The following EFCAB6 variants were observed in gnomAD, a reference collection of about 807,000 sequenced individuals.
EFCAB6 encodes EF-hand calcium binding domain 6, also known as EF-hand calcium-binding domain-containing protein 6.
In EFCAB6, 156 loss-of-function variants were observed where a neutral mutation model predicts 169.8. That is an observed-to-expected ratio of 0.92 (90% confidence interval 0.81 to 1.05). The LOEUF (loss-of-function observed/expected upper bound fraction) is 1.05, where lower values mean the gene tolerates loss of function less well. Among genes scored for constraint, EFCAB6 ranks in the 50% least tolerant of loss-of-function variants. The probability of loss-of-function intolerance (pLI) is 0.00; values close to 1 mark genes in which losing one functional copy is unlikely to be tolerated. For missense variants in EFCAB6, 1,800 were observed against 1,829.1 expected (o/e 0.98, Z 0.29); for synonymous variants, 698 against 676.4 (o/e 1.03, Z -0.50).
intron 10 of EFCAB6, among the ~76,000 whole-genome samples, chr22:43,702,491 C>T (rs917271308): frequency 3.3e-5 from 5 of 152,270 alleles, no homozygotes; most frequent in Admixed American, 2.6e-4. Context: ...TCCCCTAAGT[C>T]GATAAAGTAC....
chr22:43,705,686 TAAGAC>T (rs901402365), intron 10 of EFCAB6, among the ~76,000 whole-genome samples: 2 of 152,038 alleles, frequency 1.3e-5, no homozygotes, highest in Admixed American at 1.3e-4. Context: ...TAAAATATCT[TAAGAC>T]AAACGAAAGT....
At chr22:43,700,621 T>TG (rs1251496695) in intron 10 of EFCAB6, among the ~76,000 whole-genome samples, 43 of 152,182 alleles carry the variant, frequency 2.8e-4, no homozygotes, top group African/African-American at 9.7e-4. Context: ...CTGTGGAGAC[T>TG]CACCTTCCCT....
intron 10 of EFCAB6, 91 bp from the exon 11 acceptor site, chr22:43,687,672 G>A: frequency 1.6e-6 from 1 of 630,274 alleles, no homozygotes; most frequent in South Asian, 2.9e-5. Flanking sequence ...AATTGAAAAT[G>A]GCAGCAATGC....
At chr22:43,769,405 T>C (rs1416935695) in intron 4 of EFCAB6, among the ~76,000 whole-genome samples, 2 of 152,106 alleles carry the variant, frequency 1.3e-5, no homozygotes, top group East Asian at 1.9e-4. Flanking sequence ...TTCAATTAGA[T>C]AGTGGTGATG....
intron 1 of EFCAB6, among the ~76,000 whole-genome samples, chr22:43,811,416 A>C (rs886237230): frequency 6.6e-6 from 1 of 151,976 alleles, no homozygotes; most frequent in Admixed American, 6.6e-5. Context: ...AGAAAAAAGA[A>C]AAGAAAAGAA....
At chr22:43,747,011 A>C (rs2147793284) in intron 6 of EFCAB6, among the ~76,000 whole-genome samples, 1 of 152,294 alleles carries the variant, frequency 6.6e-6, no homozygotes, top group Middle Eastern at 3.4e-3. Context: ...CTCATGCAAG[A>C]GGATGCTGCT....
chr22:43,662,435 A>G (rs1229506780), intron 17 of EFCAB6, among the ~76,000 whole-genome samples: 1 of 152,118 alleles, frequency 6.6e-6, no homozygotes. Flanking sequence ...AATTTCCAGT[A>G]TGAGGTTACC....
chr22:43,772,860 G>A, intron 4 of EFCAB6, 32 bp downstream of exon 4: 2 of 1,608,866 alleles, frequency 1.2e-6, no homozygotes. Flanking sequence ...GTCTGGAATT[G>A]AGGGATTCTA....
At chr22:43,738,406 ATC>A (rs554471741) in intron 6 of EFCAB6, among the ~76,000 whole-genome samples, 21 of 150,434 alleles carry the variant, frequency 1.4e-4, no homozygotes, top group Admixed American at 2.6e-4. Context: ...GTACTCACAC[ATC>A]TCTCACACAC....
chr22:43,809,839 C>G (rs1266800142), intron 1 of EFCAB6, among the ~76,000 whole-genome samples: 1 of 152,118 alleles, frequency 6.6e-6, no homozygotes, highest in African/African-American at 2.4e-5. Context: ...CTCCTGACCT[C>G]AGGTGATCCA....
At position 43,755,838 on chromosome 22, in the gene EFCAB6, A is replaced by G. The variant is rs1332838149; in HGVS notation, c.441-6T>C. 1 of 1,586,754 alleles carries G rather than the reference A, an allele frequency of 6.3e-7. No individual in the cohort carries two copies. Among genetic ancestry groups the G allele is most frequent in the African/African-American group, 1.4e-5 (1 of 72,818 alleles). Reference sequence around the variant, plus strand: ...TCATTTCATTCCCACCTCCCCTTAGAAATAAAAAAAAAATCTTTATTAAAA... The same window carrying G: ...TCATTTCATTCCCACCTCCCCTTAGGAATAAAAAAAAAATCTTTATTAAAA... On this transcript the variant is annotated splice_polypyrimidine_tract_variant and splice_region_variant and intron_variant, in intron 5 of 31. Transcript: ENST00000262726.
rs143087123 is a variant in EFCAB6, at chr22:43,555,014, G to C, written c.3503C>G (p.Ala1168Gly). 78 of 1,614,152 alleles carry C rather than the reference G, an allele frequency of 4.8e-5. No individual in the cohort carries two copies. Among genetic ancestry groups the C allele is most frequent in the Non-Finnish European group, 6.3e-5 (74 of 1,180,056 alleles). Residue 1168 changes from alanine to glycine, a missense_variant, in exon 27 of 32, where the codon GCT becomes GGT. Physicochemically the swap from Ala to Gly is moderately conservative, Grantham distance 60. Transcript: ENST00000262726. Reference sequence around the variant, plus strand: ...GGAAGTCACTGCTTTGTGGAGGCGAGCCAGGATGTCTCTGTCGGCTGTGGC... The same window carrying C: ...GGAAGTCACTGCTTTGTGGAGGCGACCCAGGATGTCTCTGTCGGCTGTGGC... ...PKATADRDIL[A>G]RLHKAVTSHY...
At chr22:43,730,694 C>A (rs572957736) in intron 8 of EFCAB6, among the ~76,000 whole-genome samples, 3 of 152,100 alleles carry the variant, frequency 2.0e-5, no homozygotes, top group Non-Finnish European at 4.4e-5. Context: ...GGGCTTGGTT[C>A]GATTGTTTAC....
intron 2 of EFCAB6, among the ~76,000 whole-genome samples, chr22:43,796,175 T>C (rs2062502408): frequency 6.6e-6 from 1 of 152,134 alleles, no homozygotes; most frequent in African/African-American, 2.4e-5. Context: ...CACTCATCCC[T>C]CTACTGAGAA....
intron 3 of EFCAB6, among the ~76,000 whole-genome samples, chr22:43,777,264 GGT>G (rs1478093571): frequency 1.3e-5 from 2 of 152,198 alleles, no homozygotes; most frequent in Non-Finnish European, 2.9e-5. Context: ...GGTTAGATGC[GGT>G]GCACGCAGAA....
chr22:43,561,178 G>A lies in EFCAB6; in HGVS notation c.3421-6082C>T, dbSNP rs1026882502. The stretch of plus-strand genomic sequence containing the variant: ...TCGAGACCAGCCTGGCCAATACAGC[G>A]AAAGTTCGTCTTTACCAAAAATACA... On this transcript the variant is annotated intron_variant, in intron 26 of 31. Coordinates refer to ENST00000262726, the MANE Select transcript of EFCAB6 (RefSeq NM_022785.4). Among the ~76,000 whole-genome samples the A allele has an allele frequency of 3.9e-5, 6 of 152,014 alleles. No homozygotes were observed. In the South Asian group the frequency reaches 6.2e-4, roughly 16 times the overall value.
chr22:43,672,438 C>T lies in EFCAB6; in HGVS notation c.1420-133G>A, dbSNP rs538446290. ...CCATTAGCTTTGAGACCTTGAACAA[C>T]GGAGCTTGCCCTCTAATACCCATCT... On this transcript the variant is annotated intron_variant, in intron 13 of 31. Transcript: ENST00000262726. 4.1e-5 allele frequency: 35 copies of T among 854,810 alleles called. No individual in the cohort carries two copies. The East Asian group carries it at 4.5e-4, about 11-fold the overall frequency. The allele number at this position is 854,810 out of a possible 1,614,324, so 53.0% of individuals were successfully genotyped here.
In EFCAB6 at chr22:43,554,987, T is replaced by C. The variant is rs755162490; in HGVS notation, c.3530A>G (p.His1177Arg). The C allele has an allele frequency of 2.5e-5, 41 of 1,614,038 alleles. No individual in the cohort carries two copies. The Admixed American group carries it at 6.5e-4, about 26-fold the overall frequency. Residue 1177 changes from histidine to arginine, a missense_variant, in exon 27 of 32, where the codon CAT becomes CGT. Coordinates refer to ENST00000262726, the MANE Select transcript of EFCAB6 (RefSeq NM_022785.4). ...LARLHKAVTSHYHAITQEFEN... is the reference protein window; with the variant it reads ...LARLHKAVTSRYHAITQEFEN... ...AAACTCCTGGGTGATGGCATGGTAA[T>C]GGGAAGTCACTGCTTTGTGGAGGCG...
intron 8 of EFCAB6, among the ~76,000 whole-genome samples, chr22:43,720,967 CT>C (rs1668232176): frequency 6.6e-6 from 1 of 152,076 alleles, no homozygotes; most frequent in Non-Finnish European, 1.5e-5. Flanking sequence ...GATTCTATAC[CT>C]AGAAAACCCT....
Sources: allele counts gnomAD v4.1 joint callset (sites outside exome capture counted in the v4.1 genomes callset), GRCh38; gene constraint gnomAD v4.1.1; transcripts MANE v1.5; gene names NCBI Gene and HGNC (gene_info 2026-07-23, HGNC 2026-07-21).